ZNF385B: variants seen among roughly 807,000 people sequenced by gnomAD.
ZNF385B encodes the protein zinc finger protein 533.
A neutral mutation model predicts 39.2 loss-of-function variants in ZNF385B; 23 were observed. That is an observed-to-expected ratio of 0.59 (90% CI 0.42 to 0.83). The LOEUF is 0.83. Among genes scored for constraint, ZNF385B ranks in the 40% least tolerant of loss-of-function variants. The probability of loss-of-function intolerance (pLI) is 0.00; values close to 1 mark genes in which losing one functional copy is unlikely to be tolerated. For missense variants in ZNF385B, 552 were observed against 598.9 expected (o/e 0.92, Z 0.82); for synonymous variants, 205 against 222.6 (o/e 0.92, Z 0.70).
intron 6 of ZNF385B, among the ~76,000 whole-genome samples, chr2:179,453,921 T>C (rs954372965): frequency 1.3e-5 from 2 of 152,172 alleles, no homozygotes; most frequent in African/African-American, 4.8e-5. Flanking sequence ...AGGACAACCA[T>C]AATTGTCATT....
chr2:179,847,325 T>C (rs377071533), intron 1 of ZNF385B, among the ~76,000 whole-genome samples: 1 of 152,202 alleles, frequency 6.6e-6, no homozygotes, highest in Admixed American at 6.5e-5. Context: ...CAGCTTATTC[T>C]CAAGACACCT....
At chr2:179,810,267 GAAAAGA>G (rs2106565652) in intron 1 of ZNF385B, among the ~76,000 whole-genome samples, 1 of 151,734 alleles carries the variant, frequency 6.6e-6, no homozygotes, top group African/African-American at 2.4e-5. Flanking sequence ...TTAAAAAGAA[GAAAAGA>G]AAAACAGACA....
chr2:179,785,989 A>C (rs1216681996), intron 1 of ZNF385B, among the ~76,000 whole-genome samples: 1 of 152,156 alleles, frequency 6.6e-6, no homozygotes, highest in African/African-American at 2.4e-5. Context: ...AGCAAATTTC[A>C]TTGTTGTGGT....
At chr2:179,799,891 T>C (rs902501401) in intron 1 of ZNF385B, among the ~76,000 whole-genome samples, 2 of 152,090 alleles carry the variant, frequency 1.3e-5, no homozygotes, top group Admixed American at 6.6e-5. Context: ...CAAGCGGCAG[T>C]CCAGAAACTG....
Position 179,682,680 on chromosome 2 carries a change from C to T in ZNF385B, c.298+86823G>A, listed in dbSNP as rs187307250. Among the ~76,000 whole-genome samples, 216 of 152,310 alleles carry T rather than the reference C, an allele frequency of 1.4e-3. 1 individual carries two copies. The highest frequency in any genetic ancestry group is 4.9e-3 in the African/African-American group (203 of 41,570). On this transcript the variant is annotated intron_variant, in intron 3 of 9. Coordinates refer to ENST00000410066, the MANE Select transcript of ZNF385B (RefSeq NM_152520.6). ...TGAATCCAAGAAGAAAATAAACCTA[C>T]TACCCTCCTCCGAGGATTGGGGTCT... is the stretch of plus-strand genomic sequence containing the variant.
At chr2:179,537,040 G>A (rs1323201570) in intron 4 of ZNF385B, among the ~76,000 whole-genome samples, 1 of 152,122 alleles carries the variant, frequency 6.6e-6, no homozygotes, top group African/African-American at 2.4e-5. Flanking sequence ...GCCGGGATAG[G>A]TGGCTCATGC....
chr2:179,685,695 TA>T (rs10930881), intron 3 of ZNF385B, among the ~76,000 whole-genome samples: 53,296 of 150,636 alleles, frequency 0.35, 10,954 homozygotes, highest in African/African-American at 0.57. Flanking sequence ...CAGAAAGTGC[TA>T]AAAAAAAAAA....
chr2:179,719,804 T>C (rs1381708118), intron 3 of ZNF385B, among the ~76,000 whole-genome samples: 1 of 152,206 alleles, frequency 6.6e-6, no homozygotes, highest in African/African-American at 2.4e-5. Flanking sequence ...CACAAATATA[T>C]GCAGGCTACT....
In ZNF385B at chr2:179,446,560, A is replaced by G; in HGVS notation, c.926T>C (p.Val309Ala). ...TGCCTCTAGCTGTGACAGGGAGTTCACAGCCACTTTGCATAGTGAACAATA... is the reference window on the plus strand; with the variant it reads ...TGCCTCTAGCTGTGACAGGGAGTTCGCAGCCACTTTGCATAGTGAACAATA... ...LLYCSLCKVAVNSLSQLEAHN... is the reference protein window; with the variant it reads ...LLYCSLCKVAANSLSQLEAHN... Residue 309 changes from valine (V) to alanine (A), a missense_variant, in exon 7 of 10, where the codon GTG becomes GCG. Transcript: ENST00000410066. 1 of 1,614,082 alleles carries G rather than the reference A, an allele frequency of 6.2e-7. No homozygotes were observed. Among genetic ancestry groups the G allele is most frequent in the South Asian group, 1.1e-5 (1 of 91,064 alleles).
Position 179,710,385 on chromosome 2 carries a change from C to T in ZNF385B, c.298+59118G>A, listed in dbSNP as rs546199568. Among the ~76,000 whole-genome samples the T allele has an allele frequency of 2.0e-4, 30 of 152,264 alleles. 2 individuals carry two copies. Among genetic ancestry groups the T allele is most frequent in the South Asian group, 1.0e-3 (5 of 4,820 alleles). Reference sequence around the variant, plus strand: ...TGGAAATAGCAAACCATTCCCCAATCGTATGGTACTTCCACTCCATGGAGG... The same window carrying T: ...TGGAAATAGCAAACCATTCCCCAATTGTATGGTACTTCCACTCCATGGAGG... On this transcript the variant is annotated intron_variant, in intron 3 of 9. Transcript: ENST00000410066.
At position 179,752,862 on chromosome 2, in the gene ZNF385B, A is replaced by C. The variant is rs190031258; in HGVS notation, c.298+16641T>G. Among the ~76,000 whole-genome samples, 480 of 151,836 alleles carry C rather than the reference A, an allele frequency of 3.2e-3. 8 individuals are homozygous for C. The highest frequency in any genetic ancestry group is 2.3e-3 in the Non-Finnish European group (155 of 67,964). On this transcript the variant is annotated intron_variant, in intron 3 of 9. Coordinates refer to ENST00000410066, the MANE Select transcript of ZNF385B (RefSeq NM_152520.6). ...TTTGTCAGATGAGTAGATTGCAAAA[A>C]TTTTCTCCCATTCTGTGGGTTGCCT...
chr2:179,785,381 C>T (rs1301491328), intron 1 of ZNF385B, among the ~76,000 whole-genome samples: 1 of 152,060 alleles, frequency 6.6e-6, no homozygotes, highest in Non-Finnish European at 1.5e-5. Flanking sequence ...AATCTATATG[C>T]TCACAAAGAA....
chr2:179,781,431 G>A (rs1226121585), intron 1 of ZNF385B, among the ~76,000 whole-genome samples: 1 of 152,146 alleles, frequency 6.6e-6, no homozygotes, highest in Non-Finnish European at 1.5e-5. Context: ...TCAATGAATG[G>A]AGTAAGTTGC....
At chr2:179,535,714 AG>A (rs1292463963) in intron 4 of ZNF385B, among the ~76,000 whole-genome samples, 2 of 152,250 alleles carry the variant, frequency 1.3e-5, no homozygotes, top group Non-Finnish European at 2.9e-5. Flanking sequence ...ATAAAAAGGA[AG>A]GTAAACCTAA....
At chr2:179,675,490 TG>T (rs1696623839) in intron 3 of ZNF385B, among the ~76,000 whole-genome samples, 2 of 152,340 alleles carry the variant, frequency 1.3e-5, no homozygotes, top group East Asian at 3.9e-4. Flanking sequence ...CTAATCCAAT[TG>T]ACCTAGAATT....
At chr2:179,776,814 T>C (rs1276079810) in intron 1 of ZNF385B, among the ~76,000 whole-genome samples, 2 of 152,148 alleles carry the variant, frequency 1.3e-5, no homozygotes, top group Non-Finnish European at 2.9e-5. Context: ...TTGGAATTCT[T>C]GCAGCTAGTA....
At chr2:179,553,942 T>C (rs2060741248) in intron 3 of ZNF385B, among the ~76,000 whole-genome samples, 1 of 148,954 alleles carries the variant, frequency 6.7e-6, no homozygotes, top group Non-Finnish European at 1.5e-5. Context: ...CAGACAGATA[T>C]GTTAGAAGCT....
chr2:179,740,563 C>T (rs542329898), intron 3 of ZNF385B, among the ~76,000 whole-genome samples: 4 of 152,250 alleles, frequency 2.6e-5, no homozygotes, highest in South Asian at 2.1e-4. Flanking sequence ...TGAGGACAAA[C>T]GTTGTTGGAA....
intron 5 of ZNF385B, among the ~76,000 whole-genome samples, chr2:179,492,604 C>T (rs2055360361): frequency 1.3e-5 from 2 of 152,042 alleles, no homozygotes; most frequent in Non-Finnish European, 2.9e-5. Context: ...GTTCAATGCT[C>T]AGAGAATTGG....
Sources: gnomAD v4.1 joint callset for allele counts (sites outside exome capture counted in the v4.1 genomes callset) on GRCh38, gnomAD v4.1.1 for gene constraint, MANE v1.5 for transcripts, NCBI Gene and HGNC (gene_info 2026-07-23, HGNC 2026-07-21) for gene names.